Variants in TFB1M observed in about 807,000 individuals in gnomAD.
TFB1M encodes dimethyladenosine transferase 1, mitochondrial.
A neutral mutation model predicts 31.1 loss-of-function variants in TFB1M; 27 were observed. The ratio of observed to expected loss-of-function variants is 0.87; its 90% CI spans 0.64 to 1.20. The LOEUF (loss-of-function observed/expected upper bound fraction) is 1.20. TFB1M is among the 50% of genes most tolerant of loss of function. The pLI, the probability that TFB1M is intolerant of heterozygous loss-of-function variation, is 0.00. For synonymous variants in TFB1M, 166 were observed against 151.8 expected (o/e 1.09, Z -0.69); for missense variants, 394 against 418.7 (o/e 0.94, Z 0.51).
chr6:155,229,959 C>G, the TFB1M span, among the ~76,000 whole-genome samples: 1 of 152,068 alleles, frequency 6.6e-6, no homozygotes, highest in South Asian at 2.1e-4. Flanking sequence ...AAACCCACCC[C>G]CATGATTCAA....
intron 5 of TFB1M, among the ~76,000 whole-genome samples, chr6:155,265,747 T>C (rs892373074): frequency 1.4e-5 from 2 of 146,020 alleles, no homozygotes; most frequent in East Asian, 1.9e-4. Flanking sequence ...TTATATATAA[T>C]ATATAATATA....
rs777614147 is a variant in TFB1M at position 155,314,277 on chromosome 6, G to A, written c.133+19C>T. ...CGGACACTGGGGAGACATCCGGGGA[G>A]CACTGCTAAGCCATCCACCTGTCAG... On this transcript the variant is annotated intron_variant, in intron 1 of 6. Transcript: ENST00000367166. 1 of 1,613,116 alleles carries A rather than the reference G, an allele frequency of 6.2e-7. No homozygotes were observed.
At chr6:155,249,900 G>T in the TFB1M span, 5 of 1,614,168 alleles carry the variant, frequency 3.1e-6, no homozygotes, top group South Asian at 5.5e-5. Context: ...ATGAGATGCA[G>T]AAGATCTATG....
chr6:155,309,441 T>A (rs1048697329), intron 2 of TFB1M, among the ~76,000 whole-genome samples: 1 of 152,036 alleles, frequency 6.6e-6, no homozygotes, highest in African/African-American at 2.4e-5. Context: ...ATAAATCGAA[T>A]GAGATAAAAC....
At chr6:155,247,025 G>C in the TFB1M span, among the ~76,000 whole-genome samples, 4 of 152,232 alleles carry the variant, frequency 2.6e-5, no homozygotes, top group African/African-American at 9.6e-5. Flanking sequence ...TCAGACAAAG[G>C]GGCAGTTTTC....
rs1784154575 is a variant in TFB1M, at chr6:155,257,641, T to C, written c.*195A>G. 2 of 613,552 alleles carry C rather than the reference T, an allele frequency of 3.3e-6. No individual in the cohort carries two copies. The highest frequency in any genetic ancestry group is 2.8e-6 in the Non-Finnish European group (1 of 355,186). The allele number at this position is 613,552 out of a possible 1,614,324, so 38.0% of individuals were successfully genotyped here. ...GTCATAACTATCTATACAGTATATATTAAAAGAAAGCTTGTACTGTATCTT... is the reference window on the plus strand; with the variant it reads ...GTCATAACTATCTATACAGTATATACTAAAAGAAAGCTTGTACTGTATCTT... On this transcript the variant is annotated 3_prime_UTR_variant, in exon 7 of 7. Coordinates refer to ENST00000367166, the MANE Select transcript of TFB1M (RefSeq NM_016020.4).
chr6:155,288,707 C>A (rs1776774071), intron 4 of TFB1M, among the ~76,000 whole-genome samples: 2 of 152,094 alleles, frequency 1.3e-5, no homozygotes, highest in South Asian at 4.1e-4. Flanking sequence ...TGAAAACATG[C>A]GAATCATATA....
intron 2 of TFB1M, 86 bp downstream of exon 2, chr6:155,311,102 T>C: frequency 6.8e-7 from 1 of 1,468,392 alleles, no homozygotes; most frequent in Admixed American, 1.7e-5. Context: ...CTACATAATC[T>C]TTGGATACCT....
intron 5 of TFB1M, among the ~76,000 whole-genome samples, chr6:155,272,230 G>A (rs1784950839): frequency 6.6e-6 from 1 of 152,220 alleles, no homozygotes; most frequent in African/African-American, 2.4e-5. Flanking sequence ...AATGCTTAGA[G>A]ATCTAAGAAT....
chr6:155,284,853 TG>T (rs1357753159), intron 5 of TFB1M, among the ~76,000 whole-genome samples: 42 of 152,328 alleles, frequency 2.8e-4, no homozygotes, highest in African/African-American at 9.9e-4. Flanking sequence ...TGGGTGACCG[TG>T]TAACTTATCT....
At position 155,265,672 on chromosome 6, in the gene TFB1M, AAT is replaced by A. The variant is rs1328236860; in HGVS notation, c.667-5274_667-5273del. Among the ~76,000 whole-genome samples the A allele has an allele frequency of 1.2e-4, 17 of 147,762 alleles. No individual in the cohort carries two copies. In the East Asian group the frequency reaches 2.1e-3, roughly 19 times the overall value. ...TTCTCTAGAGGGACAGAACTAATGG[AAT>A]ATATATATATGAGTTTATTAAATAT... On this transcript the variant is annotated intron_variant, in intron 5 of 6. Transcript: ENST00000367166.
chr6:155,244,724 G>A, the TFB1M span: 3 of 1,614,088 alleles, frequency 1.9e-6, no homozygotes, highest in Non-Finnish European at 2.5e-6. Flanking sequence ...GGAGACCCTG[G>A]AGGATGGGAT....
rs57071487 is a variant in TFB1M at position 155,313,855 on chromosome 6, G to A, written c.133+441C>T. Among the ~76,000 whole-genome samples the A allele has an allele frequency of 1.6e-3, 250 of 152,160 alleles. 1 individual carries two copies. The highest frequency in any genetic ancestry group is 5.4e-3 in the African/African-American group (225 of 41,510). Reference sequence around the variant, plus strand: ...ACGTTTAAAAAACGAATCATACGAGGGATACTCTTTTCACCAAGTTATTGA... The same window carrying A: ...ACGTTTAAAAAACGAATCATACGAGAGATACTCTTTTCACCAAGTTATTGA... On this transcript the variant is annotated intron_variant, in intron 1 of 6. Coordinates refer to ENST00000367166, the MANE Select transcript of TFB1M (RefSeq NM_016020.4).
At chr6:155,291,701 T>A (rs1776932946) in intron 4 of TFB1M, among the ~76,000 whole-genome samples, 1 of 152,152 alleles carries the variant, frequency 6.6e-6, no homozygotes, top group African/African-American at 2.4e-5. Flanking sequence ...CCTAACCTTC[T>A]ATCCACTAGA....
chr6:155,250,964 T>C, the TFB1M span: 1 of 1,614,204 alleles, frequency 6.2e-7, no homozygotes, highest in Non-Finnish European at 8.5e-7. Flanking sequence ...GGTTTCCTGG[T>C]TGAATCCATT....
In TFB1M at chr6:155,257,058, G is replaced by C. The variant is rs1456305862; in HGVS notation, c.*778C>G. 1.9e-6 allele frequency: 3 copies of C among 1,614,054 alleles called. No individual in the cohort carries two copies. Among genetic ancestry groups the C allele is most frequent in the African/African-American group, 1.3e-5 (1 of 74,910 alleles). On this transcript the variant is annotated 3_prime_UTR_variant, in exon 7 of 7. Transcript: ENST00000367166. ...TTCTAGAGCGAGAATTCAGTGTCCA[G>C]AGTTTAACATCTGTTGTCAGTGAGG... is the stretch of plus-strand genomic sequence containing the variant.
chr6:155,268,946 TAAAAAAA>T (rs1204779447), intron 5 of TFB1M, among the ~76,000 whole-genome samples: 10 of 46,484 alleles, frequency 2.2e-4, no homozygotes, highest in Admixed American at 6.6e-4. Context: ...AATGATCAAT[TAAAAAAA>T]AAAAAAAGAA....
intron 5 of TFB1M, among the ~76,000 whole-genome samples, chr6:155,272,044 T>C (rs531533391): frequency 1.4e-4 from 21 of 152,350 alleles, no homozygotes; most frequent in African/African-American, 4.3e-4. Flanking sequence ...CTTTATTTGC[T>C]TTTTTCAAGT....
At chr6:155,249,969 G>T in the TFB1M span, 7 of 1,611,078 alleles carry the variant, frequency 4.3e-6, no homozygotes, top group East Asian at 1.6e-4. Flanking sequence ...CAGAGAAGGA[G>T]GTCCGTGAGA....
Sources: gnomAD v4.1 joint callset for allele counts (sites outside exome capture counted in the v4.1 genomes callset) on GRCh38, gnomAD v4.1.1 for gene constraint, MANE v1.5 for transcripts, NCBI Gene and HGNC (gene_info 2026-07-23, HGNC 2026-07-21) for gene names.